PIGN: variants seen among roughly 807,000 people sequenced by gnomAD.
The protein encoded by PIGN is phosphatidylinositol glycan anchor biosynthesis class N.
A neutral mutation model predicts 125.4 loss-of-function variants in PIGN; 117 were observed. The ratio of observed to expected loss-of-function variants is 0.93; its 90% CI spans 0.80 to 1.09. The LOEUF is 1.09. Among genes scored for constraint, PIGN ranks in the 50% least tolerant of loss-of-function variants. PIGN has a pLI of 0.00. For missense variants in PIGN, 1,075 were observed against 1,094.9 expected, an observed-to-expected ratio of 0.98 and a Z score of 0.26; for synonymous variants, 392 against 377.8, an observed-to-expected ratio of 1.04 and a Z score of -0.44.
chr18:62,051,407 A>G (rs966834556), intron 30 of PIGN, among the ~76,000 whole-genome samples: 3 of 152,100 alleles, frequency 2.0e-5, no homozygotes, highest in Non-Finnish European at 4.4e-5. Flanking sequence ...CAGAGATTCA[A>G]CTTCTTCCTG....
intron 14 of PIGN, among the ~76,000 whole-genome samples, chr18:62,121,015 A>G (rs2035283245): frequency 6.6e-6 from 1 of 152,232 alleles, no homozygotes. Context: ...GAGAAAAGAC[A>G]TAACACACAA....
At chr18:62,126,373 T>G (rs1039032622) in intron 14 of PIGN, among the ~76,000 whole-genome samples, 2 of 152,150 alleles carry the variant, frequency 1.3e-5, no homozygotes, top group African/African-American at 4.8e-5. Flanking sequence ...GTCATTTTTC[T>G]AAAATTTTAC....
chr18:62,072,673 C>T lies in PIGN; in HGVS notation c.2672G>A (p.Ser891Asn), dbSNP rs1555676593. Residue 891 changes from serine to asparagine, a missense_variant and splice_region_variant, in exon 30 of 31, where the codon AGC (serine) becomes AAC (asparagine). This residue lies in a region of PIGN where 915 missense variants were observed against 908.7 expected (regional missense o/e 1.01). Coordinates refer to ENST00000640252, the MANE Select transcript of PIGN (RefSeq NM_176787.5). ...DYGSWLDIGT[S>N]ISHYVIVMSM... is the part of the protein sequence containing the mutation. Reference sequence around the variant, plus strand: ...CAATGCATGACCATATATACTATACCTTGTCCCAATATCAAGCCAGCTGCC... The same window carrying T: ...CAATGCATGACCATATATACTATACTTTGTCCCAATATCAAGCCAGCTGCC... 2 of 1,604,306 alleles carry T rather than the reference C, an allele frequency of 1.2e-6. No homozygotes were observed. Among genetic ancestry groups the T allele is most frequent in the Non-Finnish European group, 1.7e-6 (2 of 1,174,738 alleles).
downstream of PIGN, among the ~76,000 whole-genome samples, chr18:62,038,364 T>C (rs2030289400): frequency 6.7e-6 from 1 of 149,186 alleles, no homozygotes; most frequent in African/African-American, 2.5e-5. Context: ...CTAGAATATT[T>C]CACTTAATTG....
intron 28 of PIGN, among the ~76,000 whole-genome samples, chr18:62,077,793 T>A (rs1208034337): frequency 2.0e-5 from 3 of 152,214 alleles, no homozygotes; most frequent in African/African-American, 4.8e-5. Context: ...AGGGTTGCCA[T>A]AACAAAGTCC....
intron 1 of PIGN, among the ~76,000 whole-genome samples, chr18:62,168,964 T>C (rs752636247): frequency 1.5e-4 from 22 of 151,468 alleles, no homozygotes; most frequent in Admixed American, 4.6e-4. Context: ...CAAGCAATTC[T>C]CATGCCTTAG....
At chr18:62,028,867 A>G (rs1213970089) in intron 23 of PIGN, among the ~76,000 whole-genome samples, 1 of 152,246 alleles carries the variant, frequency 6.6e-6, no homozygotes, top group East Asian at 1.9e-4. Context: ...CACTGCTAGA[A>G]TTCCCAAAAA....
intron 25 of PIGN, among the ~76,000 whole-genome samples, chr18:62,086,145 A>G (rs563359605): frequency 3.3e-5 from 5 of 152,232 alleles, no homozygotes; most frequent in Non-Finnish European, 7.3e-5. Context: ...AAAATACTCA[A>G]ATGGTGACTA....
In PIGN at chr18:62,043,551, AATAATT is replaced by A. The variant is rs1422407994; in HGVS notation, c.*2299_*2304del. The A allele has an allele frequency of 6.6e-6, 1 of 152,218 alleles. No individual in the cohort carries two copies. The highest frequency in any genetic ancestry group is 2.4e-5 in the African/African-American group (1 of 41,458). 9.4% of individuals were successfully genotyped at this position (152,218 alleles called of 1,614,324 possible). On this transcript the variant is annotated 3_prime_UTR_variant, in exon 31 of 31. Coordinates refer to ENST00000640252, the MANE Select transcript of PIGN (RefSeq NM_176787.5). ...TTCTAATTCAGCTCTATCATTAATA[AATAATT>A]ATAAAGACATTACTATGAAAATATA... is the stretch of plus-strand genomic sequence containing the variant.
chr18:62,159,601 T>C (rs1212156003), intron 4 of PIGN, among the ~76,000 whole-genome samples: 1 of 151,956 alleles, frequency 6.6e-6, no homozygotes, highest in East Asian at 2.0e-4. Flanking sequence ...TCTATTGACT[T>C]GAGTCTCTCT....
At chr18:62,020,346 C>T (rs2030038345) in intron 23 of PIGN, among the ~76,000 whole-genome samples, 5 of 152,170 alleles carry the variant, frequency 3.3e-5, no homozygotes, top group African/African-American at 9.7e-5. Context: ...CAAATGTAGA[C>T]ATTCAACTCT....
chr18:62,137,429 C>T, intron 14 of PIGN: 1 of 247,842 alleles, frequency 4.0e-6, no homozygotes, highest in Non-Finnish European at 7.6e-6. Context: ...AATAAACTCC[C>T]CTTCACATAT....
intron 14 of PIGN, chr18:62,136,335 T>A (rs1354087439): frequency 6.6e-6 from 1 of 152,104 alleles, no homozygotes; most frequent in Non-Finnish European, 1.5e-5. Flanking sequence ...ATTCAGAGGG[T>A]AATGTAATAT....
intron 23 of PIGN, among the ~76,000 whole-genome samples, chr18:62,095,140 T>A (rs1568168580): frequency 1.3e-5 from 2 of 152,254 alleles, no homozygotes; most frequent in Non-Finnish European, 2.9e-5. Flanking sequence ...TCAAACTGTT[T>A]ATGAGTGGTG....
intron 23 of PIGN, among the ~76,000 whole-genome samples, chr18:62,095,470 T>C (rs1269292491): frequency 6.6e-6 from 1 of 152,142 alleles, no homozygotes; most frequent in Non-Finnish European, 1.5e-5. Flanking sequence ...AAAAAAATAC[T>C]ATATTCAAAG....
intron 6 of PIGN, 131 bp downstream of exon 6, chr18:62,156,998 T>C (rs2036761167): frequency 5.7e-6 from 3 of 523,730 alleles, no homozygotes; most frequent in South Asian, 7.2e-5. Context: ...AACATCCCTA[T>C]TTCAGAAATG....
At chr18:62,094,428 G>GTTATTAA (rs1369044494) in intron 23 of PIGN, among the ~76,000 whole-genome samples, 1 of 151,960 alleles carries the variant, frequency 6.6e-6, no homozygotes, top group Non-Finnish European at 1.5e-5. Flanking sequence ...TCAACCTCTG[G>GTTATTAA]GTGTGATCTC....
chr18:62,047,130 A>C (rs2030786841), intron 30 of PIGN, among the ~76,000 whole-genome samples: 1 of 152,270 alleles, frequency 6.6e-6, no homozygotes, highest in South Asian at 2.1e-4. Context: ...GATCTACTTC[A>C]GCCAAACACC....
At chr18:62,023,755 A>G (rs2839974) in intron 23 of PIGN, among the ~76,000 whole-genome samples, 10,002 of 152,276 alleles carry the variant, frequency 0.066, 623 homozygotes, top group African/African-American at 0.17. Context: ...ACACAACTGC[A>G]CACTTTGCTG....
Sources: gnomAD v4.1 joint callset for allele counts (sites outside exome capture counted in the v4.1 genomes callset) on GRCh38, gnomAD v4.1.1 for gene constraint, gnomAD v4.1.1 regional missense constraint, MANE v1.5 for transcripts, NCBI Gene and HGNC (gene_info 2026-07-23, HGNC 2026-07-21) for gene names.